The following ATXN7 variants were observed in gnomAD, a reference collection of about 807,000 sequenced individuals.
The protein encoded by ATXN7 is ataxin-7.
ATXN7 carries 12 observed loss-of-function variants against 70.5 expected under a neutral mutation model. The ratio of observed to expected loss-of-function variants is 0.17; its 90% CI spans 0.11 to 0.28. The LOEUF (loss-of-function observed/expected upper bound fraction) is 0.28, where lower values mean the gene tolerates loss of function less well. ATXN7 is among the 10% of genes least tolerant of loss of function. The pLI is 1.00. For missense variants in ATXN7, 1,256 were observed against 1,131.7 expected, an observed-to-expected ratio of 1.11 and a Z score of -1.58; for synonymous variants, 498 against 448.7, an observed-to-expected ratio of 1.11 and a Z score of -1.39.
At chr3:63,983,400 T>TA (rs752868414) in intron 8 of ATXN7, among the ~76,000 whole-genome samples, 1 of 152,208 alleles carries the variant, frequency 6.6e-6, no homozygotes, top group Non-Finnish European at 1.5e-5. Flanking sequence ...TATGAACATT[T>TA]AAAAAATGTG....
chr3:63,886,002 C>G (rs1268579764), intron 1 of ATXN7, among the ~76,000 whole-genome samples: 1 of 151,790 alleles, frequency 6.6e-6, no homozygotes, highest in African/African-American at 2.4e-5. Context: ...GAGACTGGGT[C>G]TCAAACAAAA....
At chr3:63,913,431 C>T (rs1232048837) in intron 4 of ATXN7, among the ~76,000 whole-genome samples, 1 of 152,194 alleles carries the variant, frequency 6.6e-6, no homozygotes, top group African/African-American at 2.4e-5. Context: ...CGGAATCCTT[C>T]TGTGACCAGG....
rs1337396061 is a variant in ATXN7, at chr3:64,002,330, C to A, written c.*2863C>A. 1 of 152,394 alleles carries A rather than the reference C, an allele frequency of 6.6e-6. No individual in the cohort carries two copies. Among genetic ancestry groups the A allele is most frequent in the African/African-American group, 2.4e-5 (1 of 41,338 alleles). The allele number at this position is 152,394 out of a possible 1,614,324, so 9.4% of individuals were successfully genotyped here. ...TCCTTTACAGTTTTAAGGGATGCCT[C>A]TGTTCTGTGAAAAGTCTTTGTCCCT... On this transcript the variant is annotated 3_prime_UTR_variant, in exon 13 of 13. Transcript: ENST00000674280.
intron 4 of ATXN7, among the ~76,000 whole-genome samples, chr3:63,932,016 G>C (rs3774713): frequency 0.41 from 62,811 of 151,918 alleles, 14,578 homozygotes; most frequent in African/African-American, 0.63. Flanking sequence ...GTACAGTTTT[G>C]TAGGGAGAGA....
intron 2 of ATXN7, chr3:63,901,862 A>C (rs1360275671): frequency 6.6e-6 from 1 of 152,248 alleles, no homozygotes; most frequent in Non-Finnish European, 1.5e-5. Context: ...TAAACCTTGA[A>C]AATGTTTTAT....
upstream of ATXN7, chr3:63,863,369 T>A (rs1702280980): frequency 1.1e-6 from 1 of 899,552 alleles, no homozygotes; most frequent in South Asian, 5.2e-5. Context: ...CTGTCCACCC[T>A]TCGCGGCTCC....
At chr3:63,870,072 T>C (rs1230822362) in intron 1 of ATXN7, among the ~76,000 whole-genome samples, 1 of 152,160 alleles carries the variant, frequency 6.6e-6, no homozygotes, top group African/African-American at 2.4e-5. Flanking sequence ...ATAGTAAATA[T>C]TGTTTACTTT....
chr3:63,986,759 A>G (rs1485645298), intron 8 of ATXN7, among the ~76,000 whole-genome samples: 2 of 152,182 alleles, frequency 1.3e-5, no homozygotes, highest in African/African-American at 4.8e-5. Flanking sequence ...CATAGTTTGC[A>G]GTGTGTCTCG....
Position 63,995,985 on chromosome 3 carries a change from T to C in ATXN7, c.2163T>C (p.Ser721=), listed in dbSNP as rs1559663098. The change falls in exon 12 of 13, where the codon TCT becomes TCC. Residue 721 remains serine, a synonymous_variant. Coordinates refer to ENST00000674280, the MANE Select transcript of ATXN7 (RefSeq NM_001377405.1). ...SPLLVHSSSS[S]SSSSSSSHSM... is the part of the protein sequence containing the mutation. ...TGTTGGTTCACTCTTCCTCCTCCTCTTCCTCCTCCTCCTCTTCTTCTCATT... is the reference window on the plus strand; with the variant it reads ...TGTTGGTTCACTCTTCCTCCTCCTCCTCCTCCTCCTCCTCTTCTTCTCATT... 6.2e-7 allele frequency: 1 copy of C among 1,613,958 alleles called. No homozygotes were observed. The highest frequency in any genetic ancestry group is 8.5e-7 in the Non-Finnish European group (1 of 1,179,854).
chr3:63,959,573 T>G (rs2075091525), intron 5 of ATXN7, among the ~76,000 whole-genome samples: 1 of 152,236 alleles, frequency 6.6e-6, no homozygotes, highest in Admixed American at 6.5e-5. Context: ...TACAGTGTAT[T>G]CATTTTTTTC....
At chr3:63,924,868 A>G (rs1465513998) in intron 4 of ATXN7, among the ~76,000 whole-genome samples, 1 of 152,200 alleles carries the variant, frequency 6.6e-6, no homozygotes, top group Non-Finnish European at 1.5e-5. Flanking sequence ...AAAGGATCTA[A>G]GGGAATGATG....
rs550173137 is a variant in ATXN7, at chr3:63,890,590, C to T, written c.-110-7809C>T. Among the ~76,000 whole-genome samples, 9 of 152,136 alleles carry T rather than the reference C, an allele frequency of 5.9e-5. No homozygotes were observed. The East Asian group carries it at 1.3e-3, about 23-fold the overall frequency. On this transcript the variant is annotated intron_variant, in intron 1 of 12. Coordinates refer to ENST00000674280, the MANE Select transcript of ATXN7 (RefSeq NM_001377405.1). ...TGTTATCTGTATGATTTTGCTACCT[C>T]GTAGAAGTAAATAAAATAATGTATA... is the stretch of plus-strand genomic sequence containing the variant.
intron 1 of ATXN7, among the ~76,000 whole-genome samples, chr3:63,886,127 A>G (rs578219954): frequency 5.6e-4 from 85 of 152,362 alleles, no homozygotes; most frequent in African/African-American, 1.9e-3. Flanking sequence ...CCTGGAGGAT[A>G]TTAAGTGAAA....
chr3:63,960,172 T>G (rs757208234), intron 5 of ATXN7, among the ~76,000 whole-genome samples: 2 of 152,140 alleles, frequency 1.3e-5, no homozygotes, highest in Admixed American at 1.3e-4. Flanking sequence ...TTTGAAGATG[T>G]AGAGGACAAG....
intron 12 of ATXN7, chr3:63,998,520 C>CA: frequency 1.0e-6 from 1 of 985,288 alleles, no homozygotes; most frequent in Non-Finnish European, 1.2e-6. Context: ...TAGAACAACA[C>CA]AGACAGCCTA....
intron 4 of ATXN7, among the ~76,000 whole-genome samples, chr3:63,936,757 C>T (rs2074669390): frequency 6.6e-6 from 1 of 152,104 alleles, no homozygotes; most frequent in South Asian, 2.1e-4. Context: ...GATTTAACCT[C>T]AGATTGTAAC....
In ATXN7 at chr3:63,997,006, C is replaced by T. The variant is rs534807526; in HGVS notation, c.2661+523C>T. Among the ~76,000 whole-genome samples, 49 of 152,322 alleles carry T rather than the reference C, an allele frequency of 3.2e-4. No individual in the cohort carries two copies. The South Asian group carries it at 8.9e-3, about 28-fold the overall frequency. On this transcript the variant is annotated intron_variant, in intron 12 of 12. Transcript: ENST00000674280. ...GTGCAGCGGCTCACGCCTATAATCC[C>T]AGCACTTTGGGAAGCTGAAGCAGGT...
At chr3:63,983,109 C>G in intron 8 of ATXN7, 88 bp downstream of exon 8, 1 of 1,058,012 alleles carries the variant, frequency 9.5e-7, no homozygotes, top group Non-Finnish European at 1.5e-6. Flanking sequence ...TCTCTCTAAC[C>G]CAGAGAAGAT....
Position 63,982,338 on chromosome 3 carries a change from C to T in ATXN7, c.905C>T (p.Ser302Leu), listed in dbSNP as rs1364765767. ...CPSIPKPTLP[S>L]PGQILNGKGL... is the part of the protein sequence containing the mutation. Reference sequence around the variant, plus strand: ...TCAATACCAAAGCCAACCTTGCCTTCACCTGGACAGATTCTGAATGGCAAA... The same window carrying T: ...TCAATACCAAAGCCAACCTTGCCTTTACCTGGACAGATTCTGAATGGCAAA... Residue 302 changes from serine (S) to leucine (L), a missense_variant, in exon 7 of 13, where the codon TCA (serine) becomes TTA (leucine). Physicochemically the swap from Ser to Leu is moderately radical, Grantham distance 145 (BLOSUM62 -2). Coordinates refer to ENST00000674280, the MANE Select transcript of ATXN7 (RefSeq NM_001377405.1). 1 of 1,614,184 alleles carries T rather than the reference C, an allele frequency of 6.2e-7. No homozygotes were observed. The highest frequency in any genetic ancestry group is 1.7e-5 in the Admixed American group (1 of 60,010).
Sources: allele counts gnomAD v4.1 joint callset (sites outside exome capture counted in the v4.1 genomes callset), GRCh38; gene constraint gnomAD v4.1.1; transcripts MANE v1.5; gene names NCBI Gene and HGNC (gene_info 2026-07-23, HGNC 2026-07-21).